Variants in ASMTL observed in about 807,000 individuals in gnomAD.
ASMTL encodes probable bifunctional dTTP/UTP pyrophosphatase/methyltransferase protein.
ASMTL carries 57 observed loss-of-function variants against 60.3 expected under a neutral mutation model. That is an observed-to-expected ratio of 0.95 (90% CI 0.76 to 1.18). The LOEUF is 1.18. ASMTL is among the 50% of genes most tolerant of loss of function. ASMTL has a pLI of 0.00. For synonymous variants in ASMTL, 419 were observed against 373.0 expected (o/e 1.12, Z -1.42); for missense variants, 981 against 852.6 (o/e 1.15, Z -1.88).
chrX:1,410,266 C>A (rs755592109), intron 12 of ASMTL, among the ~76,000 whole-genome samples: 1,202 of 59,372 alleles, frequency 0.02, 65 homozygotes, highest in African/African-American at 0.11. Flanking sequence ...ACAACACTGC[C>A]CTCCAGCCAA....
chrX:1,453,300 CG>C (rs1290443097), upstream of ASMTL, among the ~76,000 whole-genome samples: 13 of 151,532 alleles, frequency 8.6e-5, no homozygotes, highest in Non-Finnish European at 1.6e-4. Context: ...CATGCCACGC[CG>C]CCATTGAGCT....
At position 1,418,076 on chromosome X, in the gene ASMTL, G is replaced by T; in HGVS notation, c.1419C>A (p.Tyr473Ter). The change falls in exon 11 of 13, where the codon TAC becomes TAA. Residue 473 changes from tyrosine to a stop codon, truncating the protein, a stop_gained. Coordinates refer to ENST00000381317, the MANE Select transcript of ASMTL (RefSeq NM_004192.4). LOFTEE classifies it high-confidence loss of function. ...CAAACACAGTCACCTGCATACGAGG[G>T]TACTCACGGGCCAGCTCTCGGGCCA... Reference protein sequence around the residue: ...GALARELAREYPRMQVTVFDL... With the variant: ...GALARELARE 4 of 1,612,448 alleles carry T rather than the reference G, an allele frequency of 2.5e-6. No individual in the cohort carries two copies. The highest frequency in any genetic ancestry group is 3.4e-6 in the Non-Finnish European group (4 of 1,178,870).
At chrX:1,403,538 C>T in intron 12 of ASMTL, 49 bp from the exon 13 acceptor site, 1 of 1,560,026 alleles carries the variant, frequency 6.4e-7, no homozygotes, top group South Asian at 1.1e-5. Flanking sequence ...AGGCGGGGAT[C>T]CTTCAGCAGG....
intron 11 of ASMTL, among the ~76,000 whole-genome samples, chrX:1,416,631 C>T (rs747397460): frequency 6.7e-4 from 101 of 151,626 alleles, no homozygotes; most frequent in African/African-American, 2.3e-3. Flanking sequence ...ACACACATAC[C>T]CTCACACATA....
At chrX:1,447,473 T>A (rs2091252382) in intron 1 of ASMTL, among the ~76,000 whole-genome samples, 1 of 151,064 alleles carries the variant, frequency 6.6e-6, no homozygotes, top group South Asian at 2.1e-4. Context: ...CACGGCCATG[T>A]TGGAGAAGCA....
intron 11 of ASMTL, among the ~76,000 whole-genome samples, chrX:1,416,171 A>G (rs1456104056): frequency 1.9e-4 from 28 of 147,774 alleles, no homozygotes; most frequent in Non-Finnish European, 3.2e-4. Context: ...ACATACAGAT[A>G]TAGCGACAGG....
intron 11 of ASMTL, among the ~76,000 whole-genome samples, chrX:1,416,984 A>G (rs1432090025): frequency 4.7e-5 from 7 of 149,704 alleles, no homozygotes; most frequent in Non-Finnish European, 8.9e-5. Context: ...ATGCAAGGAC[A>G]TACCACACAG....
chrX:1,431,964 G>T (rs2090802555), intron 6 of ASMTL: 1 of 439,752 alleles, frequency 2.3e-6, no homozygotes, highest in Non-Finnish European at 4.1e-6. Flanking sequence ...ACAGACCTCT[G>T]GGGTCTCCTC....
intron 5 of ASMTL, among the ~76,000 whole-genome samples, chrX:1,433,559 C>T (rs1445067841): frequency 2.0e-5 from 3 of 149,566 alleles, no homozygotes; most frequent in South Asian, 2.1e-4. Flanking sequence ...GCGGGCCCGT[C>T]GTCCCAGCTA....
chrX:1,419,501 G>A (rs1319863189), intron 9 of ASMTL, among the ~76,000 whole-genome samples: 1 of 152,088 alleles, frequency 6.6e-6, no homozygotes, highest in African/African-American at 2.4e-5. Context: ...AGGTGCCCCG[G>A]CTCAGCCTTC....
intron 8 of ASMTL, among the ~76,000 whole-genome samples, chrX:1,424,155 ATCAC>A (rs1386363408): frequency 2.7e-5 from 3 of 110,396 alleles, no homozygotes; most frequent in African/African-American, 1.1e-4. Context: ...CACCCATCCA[ATCAC>A]TCATCCATCC....
In ASMTL at chrX:1,421,681, T is replaced by A. The variant is rs1376006572; in HGVS notation, c.1222A>T (p.Lys408Ter). Reference sequence around the variant, plus strand: ...ACCTGGAACAGATCTTCCGCCTTCTTCCCCAACGCCCTGTGGTGCTGGTTT... The same window carrying A: ...ACCTGGAACAGATCTTCCGCCTTCTACCCCAACGCCCTGTGGTGCTGGTTT... The part of the protein sequence containing the change: ...GTNQHHRALG[K>*]KAEDLFQDAY... The change falls in exon 9 of 13, where the codon AAG becomes TAG. Residue 408 changes from lysine (K) to a stop codon, truncating the protein, a stop_gained. Transcript: ENST00000381317. LOFTEE classifies it high-confidence loss of function. 9.9e-6 allele frequency: 16 copies of A among 1,613,706 alleles called. No homozygotes were observed. Among genetic ancestry groups the A allele is most frequent in the African/African-American group, 2.7e-5 (2 of 74,874 alleles).
chrX:1,432,222 A>C lies in ASMTL; in HGVS notation c.509+47T>G, dbSNP rs190479143. On this transcript the variant is annotated intron_variant, in intron 6 of 12. Transcript: ENST00000381317. ...GGACACCCCACGTGTGAGGGTGGCC[A>C]GGCTTCCACACGTGTCCCCCGTCCC... 130 of 1,476,900 alleles carry C rather than the reference A, an allele frequency of 8.8e-5. No individual in the cohort carries two copies. The East Asian group carries it at 3.0e-3, about 34-fold the overall frequency. 91.5% of individuals were successfully genotyped at this position (1,476,900 alleles called of 1,614,324 possible).
chrX:1,407,182 T>A (rs1463345515), intron 12 of ASMTL, among the ~76,000 whole-genome samples: 1 of 151,044 alleles, frequency 6.6e-6, no homozygotes, highest in African/African-American at 2.4e-5. Context: ...TGTATATAGA[T>A]GGATGCATGG....
chrX:1,443,802 G>C (rs1386203656), intron 1 of ASMTL, among the ~76,000 whole-genome samples: 1 of 145,568 alleles, frequency 6.9e-6, no homozygotes, highest in African/African-American at 2.6e-5. Flanking sequence ...CCCCATCGTG[G>C]ACAGACACCA....
chrX:1,407,568 TAGAC>T (rs1163312798), intron 12 of ASMTL, among the ~76,000 whole-genome samples: 10 of 152,060 alleles, frequency 6.6e-5, no homozygotes, highest in Non-Finnish European at 1.2e-4. Flanking sequence ...TAATAAATGA[TAGAC>T]AGATGACAGG....
At chrX:1,446,814 A>G (rs2091240292) in intron 1 of ASMTL, among the ~76,000 whole-genome samples, 1 of 152,086 alleles carries the variant, frequency 6.6e-6, no homozygotes, top group South Asian at 2.1e-4. Context: ...TTTGTCTTTT[A>G]ATAAAAGTGG....
chrX:1,412,647 G>A (rs771954057), intron 12 of ASMTL, 85 bp downstream of exon 12: 2 of 1,583,210 alleles, frequency 1.3e-6, no homozygotes, highest in Admixed American at 1.7e-5. Flanking sequence ...ACAGGCGTGA[G>A]CCACCGCGCC....
intron 1 of ASMTL, among the ~76,000 whole-genome samples, chrX:1,443,469 C>T (rs1408541822): frequency 1.3e-5 from 2 of 151,668 alleles, no homozygotes; most frequent in African/African-American, 4.9e-5. Context: ...CACACACCAC[C>T]ATCGTGGACA....
Sources: gnomAD v4.1 joint callset for allele counts (sites outside exome capture counted in the v4.1 genomes callset) on GRCh38, gnomAD v4.1.1 for gene constraint, MANE v1.5 for transcripts, NCBI Gene and HGNC (gene_info 2026-07-23, HGNC 2026-07-21) for gene names.